Variants in SOX5 observed in about 807,000 individuals in gnomAD.
SOX5 encodes transcription factor SOX-5.
In SOX5, 9 loss-of-function variants were observed where a neutral mutation model predicts 92.0. The observed-to-expected ratio is 0.10, with a 90% CI of 0.06 to 0.17. SOX5 has a LOEUF of 0.17. Among genes scored for constraint, SOX5 ranks in the 10% least tolerant of loss-of-function variants. The pLI, the probability that SOX5 is intolerant of heterozygous loss-of-function variation, is 1.00. For missense variants in SOX5, 642 were observed against 944.5 expected, an observed-to-expected ratio of 0.68 and a Z score of 4.20; for synonymous variants, 344 against 336.3, an observed-to-expected ratio of 1.02 and a Z score of -0.25.
chr12:23,559,483 TA>T (rs893833420), intron 11 of SOX5, among the ~76,000 whole-genome samples: 9 of 151,702 alleles, frequency 5.9e-5, no homozygotes, highest in African/African-American at 1.7e-4. Flanking sequence ...GTAAAGAAGT[TA>T]AAAAAAAATC....
chr12:24,459,880 T>G (rs1943434456), intron 1 of SOX5, among the ~76,000 whole-genome samples: 1 of 152,208 alleles, frequency 6.6e-6, no homozygotes, highest in Non-Finnish European at 1.5e-5. Context: ...CATATTAATT[T>G]TTAGTTATCG....
At chr12:24,282,591 T>C (rs950300193) in intron 2 of SOX5, among the ~76,000 whole-genome samples, 2 of 151,916 alleles carry the variant, frequency 1.3e-5, no homozygotes, top group African/African-American at 2.4e-5. Context: ...TCAAAAAAGC[T>C]GATTCTTTTA....
chr12:23,624,470 G>C lies in SOX5; in HGVS notation c.1017+16342C>G, dbSNP rs565848320. On this transcript the variant is annotated intron_variant, in intron 8 of 14. Coordinates refer to ENST00000451604, the MANE Select transcript of SOX5 (RefSeq NM_006940.6). Reference sequence around the variant, plus strand: ...GTAGAAATTTACCTCAGCAAAATAAGGTGAGGAGTAATATAGAGAGAAAAC... The same window carrying C: ...GTAGAAATTTACCTCAGCAAAATAACGTGAGGAGTAATATAGAGAGAAAAC... 3.9e-5 allele frequency among the ~76,000 whole-genome samples: 6 copies of C among 152,246 alleles called. 1 individual carries two copies. The highest frequency in any genetic ancestry group is 1.4e-4 in the African/African-American group (6 of 41,538).
At chr12:24,194,463 ATG>A (rs1436812418) in intron 4 of SOX5, among the ~76,000 whole-genome samples, 1 of 152,028 alleles carries the variant, frequency 6.6e-6, no homozygotes, top group Non-Finnish European at 1.5e-5. Context: ...GTAGAGAGAT[ATG>A]TGTGTGTGTA....
At chr12:24,044,942 GT>G (rs1443675603) in intron 4 of SOX5, among the ~76,000 whole-genome samples, 2 of 152,204 alleles carry the variant, frequency 1.3e-5, no homozygotes, top group Non-Finnish European at 2.9e-5. Flanking sequence ...TGTTCTAACT[GT>G]TTTTAAAATA....
intron 7 of SOX5, among the ~76,000 whole-genome samples, chr12:23,664,170 G>T (rs1199390090): frequency 6.6e-6 from 1 of 152,034 alleles, no homozygotes; most frequent in Non-Finnish European, 1.5e-5. Flanking sequence ...ATTTAAAGAC[G>T]AGAAATAAAT....
chr12:24,285,666 G>A (rs1020638609), intron 2 of SOX5, among the ~76,000 whole-genome samples: 1 of 152,092 alleles, frequency 6.6e-6, no homozygotes, highest in African/African-American at 2.4e-5. Flanking sequence ...CCAAGTTTAT[G>A]TCTTAGACAA....
intron 1 of SOX5, among the ~76,000 whole-genome samples, chr12:24,403,732 T>TA (rs1962284577): frequency 2.0e-5 from 3 of 152,196 alleles, no homozygotes; most frequent in African/African-American, 7.2e-5. Flanking sequence ...ATTAGCTAAA[T>TA]AAATATCATT....
chr12:23,809,760 CTTTTTT>C (rs34337302), intron 3 of SOX5, among the ~76,000 whole-genome samples: 10 of 133,318 alleles, frequency 7.5e-5, no homozygotes, highest in Admixed American at 3.0e-4. Context: ...AAATGAAAGT[CTTTTTT>C]TTTTTTTTTT....
chr12:23,543,179 A>G lies in SOX5; in HGVS notation c.1771+32T>C, dbSNP rs1225749210. On this transcript the variant is annotated intron_variant, in intron 13 of 14. Transcript: ENST00000451604. Reference sequence around the variant, plus strand: ...GAAAACAGAACAGTACCTTTATTCCATACGTCACTTAGTTCTTAATGGTTT... The same window carrying G: ...GAAAACAGAACAGTACCTTTATTCCGTACGTCACTTAGTTCTTAATGGTTT... 5.1e-6 allele frequency: 8 copies of G among 1,581,906 alleles called. No homozygotes were observed. In the East Asian group the frequency reaches 1.6e-4, roughly 31 times the overall value.
At chr12:23,999,385 A>G (rs1951375780) in intron 4 of SOX5, among the ~76,000 whole-genome samples, 3 of 152,166 alleles carry the variant, frequency 2.0e-5, no homozygotes, top group Admixed American at 2.0e-4. Context: ...TACCTAGTAT[A>G]CAACATGGTC....
chr12:24,086,216 A>G (rs1943979661), intron 4 of SOX5, among the ~76,000 whole-genome samples: 1 of 151,932 alleles, frequency 6.6e-6, no homozygotes, highest in Non-Finnish European at 1.5e-5. Context: ...CATTGTCAAA[A>G]TATACTCTTA....
At chr12:24,421,017 AG>A (rs5797084) in intron 1 of SOX5, among the ~76,000 whole-genome samples, 47,007 of 152,076 alleles carry the variant, frequency 0.31, 7,724 homozygotes, top group Non-Finnish European at 0.37. Flanking sequence ...AAGAAATGCA[AG>A]GGGCCCTACA....
intron 1 of SOX5, among the ~76,000 whole-genome samples, chr12:24,557,411 A>AG (rs1566465164): frequency 6.6e-6 from 1 of 151,446 alleles, no homozygotes; most frequent in African/African-American, 2.4e-5. Flanking sequence ...AAAAAAAAAA[A>AG]AAAGAAAGAA....
intron 3 of SOX5, among the ~76,000 whole-genome samples, chr12:24,269,738 G>T (rs1943467701): frequency 7.1e-6 from 1 of 141,764 alleles, no homozygotes. Context: ...GGCCCCGCTG[G>T]CACGAATGCA....
Position 23,765,779 on chromosome 12 carries a change from C to G in SOX5, c.482-10055G>C, listed in dbSNP as rs116696633. ...TCTTCTTTATTTTGCACAGTTCACA[C>G]AAACATGCATGCTCACATACACAGA... On this transcript the variant is annotated intron_variant, in intron 3 of 14. Coordinates refer to ENST00000451604, the MANE Select transcript of SOX5 (RefSeq NM_006940.6). 6.2e-3 allele frequency among the ~76,000 whole-genome samples: 942 copies of G among 152,194 alleles called. 14 individuals are homozygous for G. Among genetic ancestry groups the G allele is most frequent in the African/African-American group, 0.022 (922 of 41,556 alleles).
chr12:23,681,669 T>C (rs2086648400), intron 6 of SOX5, among the ~76,000 whole-genome samples: 1 of 151,834 alleles, frequency 6.6e-6, no homozygotes, highest in Non-Finnish European at 1.5e-5. Flanking sequence ...TATTATAAGT[T>C]ATAACTTAAG....
At chr12:24,499,340 A>G (rs768553162) in intron 1 of SOX5, among the ~76,000 whole-genome samples, 2 of 152,226 alleles carry the variant, frequency 1.3e-5, no homozygotes, top group Non-Finnish European at 2.9e-5. Context: ...AATGTCTTGC[A>G]TCTCCTGGAC....
chr12:24,196,685 C>T (rs962883652), intron 4 of SOX5, among the ~76,000 whole-genome samples: 2 of 152,162 alleles, frequency 1.3e-5, no homozygotes, highest in Non-Finnish European at 2.9e-5. Context: ...GGGCTGTTCA[C>T]TTGAGCCCAG....
Sources: gnomAD v4.1 joint callset for allele counts (sites outside exome capture counted in the v4.1 genomes callset) on GRCh38, gnomAD v4.1.1 for gene constraint, MANE v1.5 for transcripts, NCBI Gene and HGNC (gene_info 2026-07-23, HGNC 2026-07-21) for gene names.